EMSY: variants seen among roughly 807,000 people sequenced by gnomAD.
EMSY encodes BRCA2-interacting transcriptional repressor EMSY.
Under a neutral mutation model 134.6 loss-of-function variants are expected in EMSY, and 26 were observed. That is an observed-to-expected ratio of 0.19 (90% confidence interval 0.14 to 0.27). The LOEUF is 0.27. EMSY is among the 10% of genes least tolerant of loss of function. EMSY has a pLI of 1.00. For missense variants in EMSY, 1,305 were observed against 1,611.4 expected, an observed-to-expected ratio of 0.81 and a Z score of 3.26; for synonymous variants, 579 against 577.8, an observed-to-expected ratio of 1.00 and a Z score of -0.03.
At chr11:76,526,559 G>A (rs1336344701) in exon 13 of EMSY, 2 of 1,613,684 alleles carry the variant, frequency 1.2e-6, no homozygotes, top group African/African-American at 1.3e-5. Flanking sequence ...CAGCCAAAAG[G>A]AATAGGTTCT....
chr11:76,530,845 T>C (rs1452033434), intron 14 of EMSY, among the ~76,000 whole-genome samples: 3 of 152,224 alleles, frequency 2.0e-5, no homozygotes, highest in Non-Finnish European at 4.4e-5. Flanking sequence ...TATTCCTACT[T>C]ATTAAGAATG....
At chr11:76,445,887 GTTC>G (rs942520502) in intron 1 of EMSY, among the ~76,000 whole-genome samples, 13 of 152,304 alleles carry the variant, frequency 8.5e-5, no homozygotes, top group African/African-American at 2.9e-4. Flanking sequence ...GCGCAGTCCA[GTTC>G]TTCTTGCCTT....
chr11:76,548,802 A>C (rs769906403), intron 20 of EMSY, among the ~76,000 whole-genome samples: 3 of 152,232 alleles, frequency 2.0e-5, no homozygotes, highest in Non-Finnish European at 4.4e-5. Flanking sequence ...TATTTTCCCC[A>C]GTAAAGGGTT....
exon 14 of EMSY, chr11:76,528,373 G>A (rs769704287): frequency 1.2e-6 from 2 of 1,612,658 alleles, no homozygotes; most frequent in South Asian, 1.1e-5. Context: ...GGTAGCAGAG[G>A]CTGGTAATTC....
At chr11:76,447,073 A>T in intron 2 of EMSY, 65 bp downstream of exon 2, 1 of 1,489,478 alleles carries the variant, frequency 6.7e-7, no homozygotes, top group Non-Finnish European at 9.3e-7. Flanking sequence ...TGCCTAGGTC[A>T]TAGCTGTTTG....
intron 8 of EMSY, among the ~76,000 whole-genome samples, chr11:76,475,603 C>A (rs372024426): frequency 9.2e-5 from 14 of 152,296 alleles, no homozygotes; most frequent in African/African-American, 3.1e-4. Context: ...AGTATAGATA[C>A]TCAAGGAAAC....
At chr11:76,509,891 T>C (rs1206723998) in intron 9 of EMSY, among the ~76,000 whole-genome samples, 1 of 152,228 alleles carries the variant, frequency 6.6e-6, no homozygotes, top group African/African-American at 2.4e-5. Context: ...ATGCTTTCTC[T>C]ATTCAAAAAA....
chr11:76,536,449 T>C (rs1050250649), intron 15 of EMSY, among the ~76,000 whole-genome samples: 1 of 152,230 alleles, frequency 6.6e-6, no homozygotes, highest in African/African-American at 2.4e-5. Context: ...AGGAGGCAGA[T>C]TGAAGGGCCT....
intron 9 of EMSY, among the ~76,000 whole-genome samples, chr11:76,509,159 A>G (rs1245310788): frequency 6.6e-6 from 1 of 152,204 alleles, no homozygotes; most frequent in African/African-American, 2.4e-5. Context: ...TGTGACACAG[A>G]CATAATGTGA....
At chr11:76,452,107 T>C (rs4300410) in intron 3 of EMSY, 150 bp downstream of exon 3, 266,534 of 465,478 alleles carry the variant, frequency 0.57, 78,950 homozygotes, top group Admixed American at 0.68. Context: ...CCCAGTTGTG[T>C]GCTCTGTTAC....
chr11:76,472,564 G>A (rs1445892801), exon 8 of EMSY: 1 of 1,612,952 alleles, frequency 6.2e-7, no homozygotes, highest in Non-Finnish European at 8.5e-7. Context: ...TATTCCTTAG[G>A]TTATTATAGT....
intron 8 of EMSY, among the ~76,000 whole-genome samples, chr11:76,478,721 C>T (rs182221997): frequency 1.1e-4 from 17 of 151,464 alleles, no homozygotes; most frequent in Admixed American, 5.3e-4. Flanking sequence ...ATCGTTGCTT[C>T]GTTAACATTT....
chr11:76,542,048 A>T, intron 17 of EMSY, 168 bp from the exon 19 acceptor site: 1 of 761,342 alleles, frequency 1.3e-6, no homozygotes, highest in Non-Finnish European at 2.2e-6. Flanking sequence ...AGACTTTCTT[A>T]GAGTCACACA....
chr11:76,479,109 G>A (rs1948874131), intron 8 of EMSY, among the ~76,000 whole-genome samples: 1 of 152,014 alleles, frequency 6.6e-6, no homozygotes, highest in Non-Finnish European at 1.5e-5. Context: ...AAAAAATGGG[G>A]CAGAGGGAAT....
chr11:76,530,695 C>T (rs1251445617), intron 14 of EMSY, among the ~76,000 whole-genome samples: 1 of 152,068 alleles, frequency 6.6e-6, no homozygotes, highest in Non-Finnish European at 1.5e-5. Flanking sequence ...TAATCTGCCC[C>T]TCCCCTTATC....
chr11:76,522,995 T>C (rs955708625), intron 11 of EMSY, among the ~76,000 whole-genome samples, 160 bp from the exon 13 acceptor site: 1 of 152,240 alleles, frequency 6.6e-6, no homozygotes, highest in African/African-American at 2.4e-5. Flanking sequence ...GTATGACTTA[T>C]AACTTACTAT....
chr11:76,490,466 C>G (rs986982829), intron 8 of EMSY, among the ~76,000 whole-genome samples: 1 of 152,222 alleles, frequency 6.6e-6, no homozygotes, highest in African/African-American at 2.4e-5. Flanking sequence ...GGTTGAGAAT[C>G]TAGCTTTAGA....
At chr11:76,496,306 C>T (rs1330536577) in exon 9 of EMSY, 2 of 1,614,132 alleles carry the variant, frequency 1.2e-6, no homozygotes, top group Admixed American at 3.3e-5. Flanking sequence ...TTGCACAGTT[C>T]CCTAAACAAC....
At chr11:76,538,684 G>A (rs1951317854) in intron 16 of EMSY, among the ~76,000 whole-genome samples, 1 of 152,190 alleles carries the variant, frequency 6.6e-6, no homozygotes, top group Admixed American at 6.5e-5. Flanking sequence ...TTAGCCAGAT[G>A]CAGTGGCTCA....
Sources: allele counts gnomAD v4.1 joint callset (sites outside exome capture counted in the v4.1 genomes callset), GRCh38; gene constraint gnomAD v4.1.1; transcripts MANE v1.5; gene names NCBI Gene and HGNC (gene_info 2026-07-23, HGNC 2026-07-21).